The following CAPZB variants were observed in gnomAD, a reference collection of about 807,000 sequenced individuals.
CAPZB encodes the protein F-actin-capping protein subunit beta.
CAPZB carries 2 observed loss-of-function variants against 38.1 expected under a neutral mutation model. The ratio of observed to expected loss-of-function variants is 0.05; its 90% CI spans 0.02 to 0.17. The LOEUF (loss-of-function observed/expected upper bound fraction) is 0.17, where lower values mean the gene tolerates loss of function less well. CAPZB is among the 10% of genes least tolerant of loss of function. CAPZB has a pLI of 1.00. For missense variants in CAPZB, 161 were observed against 334.2 expected, an observed-to-expected ratio of 0.48 and a Z score of 4.04; for synonymous variants, 107 against 127.4, an observed-to-expected ratio of 0.84 and a Z score of 1.08.
intron 1 of CAPZB, among the ~76,000 whole-genome samples, chr1:19,469,343 T>C (rs949327751): frequency 6.6e-6 from 1 of 152,204 alleles, no homozygotes; most frequent in African/African-American, 2.4e-5. Flanking sequence ...GCAATTGATA[T>C]TGTTTTCCAT....
At chr1:19,457,343 G>A (rs997118791) in intron 1 of CAPZB, among the ~76,000 whole-genome samples, 2 of 152,270 alleles carry the variant, frequency 1.3e-5, no homozygotes, top group Admixed American at 1.3e-4. Context: ...GGTCCGCAGT[G>A]CTCGCTTCCG....
In CAPZB at chr1:19,378,648, G is replaced by T; in HGVS notation, c.221C>A (p.Pro74Gln). 1 of 1,579,090 alleles carries T rather than the reference G, an allele frequency of 6.3e-7. No homozygotes were observed. Among genetic ancestry groups the T allele is most frequent in the Non-Finnish European group, 8.7e-7 (1 of 1,148,234 alleles). Residue 74 changes from proline (P) to glutamine (Q), a missense_variant, in exon 4 of 9, where the codon CCA (proline) becomes CAA (glutamine). By Grantham distance (76) the Pro-to-Gln change is moderately conservative. Coordinates refer to ENST00000264202, the MANE Select transcript of CAPZB (RefSeq NM_004930.5). ...YNRDGDSYRS[P>Q]WSNKYDPPLE... is the part of the protein sequence containing the mutation. Reference sequence around the variant, plus strand: ...GGGAGGGTCATACTTGTTACTCCATGGTGACCTGGAGGGAAGGAAGGAAAA... The same window carrying T: ...GGGAGGGTCATACTTGTTACTCCATTGTGACCTGGAGGGAAGGAAGGAAAA...
chr1:19,342,896 G>T, intron 8 of CAPZB: 1 of 1,328,834 alleles, frequency 7.5e-7, no homozygotes, highest in Non-Finnish European at 1.1e-6. Flanking sequence ...AGTGGAGTGG[G>T]AGGGAAGAGA....
intron 1 of CAPZB, among the ~76,000 whole-genome samples, chr1:19,462,625 AAAT>A (rs1006456167): frequency 6.6e-6 from 1 of 152,216 alleles, no homozygotes; most frequent in Non-Finnish European, 1.5e-5. Context: ...CGCATTGAAT[AAAT>A]AATAACCACA....
At chr1:19,348,438 G>T (rs2093973909) in intron 6 of CAPZB, among the ~76,000 whole-genome samples, 1 of 152,106 alleles carries the variant, frequency 6.6e-6, no homozygotes, top group Admixed American at 6.5e-5. Context: ...TGCTTAAAAG[G>T]TCTGAACACC....
At chr1:19,367,004 A>C (rs1350626396) in intron 4 of CAPZB, among the ~76,000 whole-genome samples, 1 of 152,218 alleles carries the variant, frequency 6.6e-6, no homozygotes, top group Non-Finnish European at 1.5e-5. Flanking sequence ...GGGGCATCCA[A>C]AACCTGGCTC....
intron 2 of CAPZB, among the ~76,000 whole-genome samples, chr1:19,392,567 C>T (rs2100274939): frequency 6.7e-6 from 1 of 149,528 alleles, no homozygotes; most frequent in South Asian, 2.1e-4. Flanking sequence ...CGGTGGCTCG[C>T]TTGAGATCAA....
chr1:19,393,595 C>T (rs1053888243), intron 2 of CAPZB, among the ~76,000 whole-genome samples: 5 of 152,202 alleles, frequency 3.3e-5, no homozygotes, highest in Middle Eastern at 3.2e-3. Flanking sequence ...CAGGCCCCAC[C>T]GGGTCAACAA....
chr1:19,465,846 G>A (rs758892630), intron 1 of CAPZB, among the ~76,000 whole-genome samples: 4 of 152,094 alleles, frequency 2.6e-5, no homozygotes, highest in South Asian at 4.1e-4. Flanking sequence ...CTCATTTGAC[G>A]TGCATTAACT....
At chr1:19,472,165 TA>T (rs2094590884) in intron 1 of CAPZB, among the ~76,000 whole-genome samples, 1 of 152,166 alleles carries the variant, frequency 6.6e-6, no homozygotes, top group Non-Finnish European at 1.5e-5. Flanking sequence ...AATCAGTGTT[TA>T]AGAAAATGCG....
intron 4 of CAPZB, 36 bp downstream of exon 4, chr1:19,378,504 A>C (rs762451274): frequency 1.0e-4 from 120 of 1,199,560 alleles, no homozygotes; most frequent in Non-Finnish European, 1.5e-4. Flanking sequence ...CTCAAAACTC[A>C]CAAGCGCTAA....
intron 1 of CAPZB, among the ~76,000 whole-genome samples, chr1:19,459,919 G>A (rs1570331918): frequency 1.3e-5 from 2 of 152,260 alleles, no homozygotes; most frequent in African/African-American, 2.4e-5. Flanking sequence ...TGATCACACA[G>A]TTGCAGTCCT....
intron 1 of CAPZB, among the ~76,000 whole-genome samples, chr1:19,442,365 G>C (rs1297698373): frequency 6.6e-6 from 1 of 152,130 alleles, no homozygotes; most frequent in Non-Finnish European, 1.5e-5. Flanking sequence ...GAGTGAGCAG[G>C]AGCAGCTGAA....
intron 2 of CAPZB, among the ~76,000 whole-genome samples, chr1:19,418,846 T>TA (rs1474597095): frequency 6.6e-6 from 1 of 152,180 alleles, no homozygotes; most frequent in East Asian, 1.9e-4. Flanking sequence ...TCTAAAAAGA[T>TA]ACCTCACTGA....
At chr1:19,475,052 T>G (rs1332412978) in intron 1 of CAPZB, among the ~76,000 whole-genome samples, 1 of 151,760 alleles carries the variant, frequency 6.6e-6, no homozygotes, top group East Asian at 1.9e-4. Context: ...GCAAAGGGAG[T>G]GTCCACATGC....
At chr1:19,362,459 A>T (rs2094058652) in intron 4 of CAPZB, among the ~76,000 whole-genome samples, 1 of 151,234 alleles carries the variant, frequency 6.6e-6, no homozygotes, top group Admixed American at 6.6e-5. Flanking sequence ...CTGGTCTCTA[A>T]CTCCTGGCCT....
chr1:19,428,296 G>T lies in CAPZB; in HGVS notation c.4-8546C>A, dbSNP rs554460447. Among the ~76,000 whole-genome samples the T allele has an allele frequency of 1.3e-3, 191 of 152,184 alleles. 1 individual carries two copies. Among genetic ancestry groups the T allele is most frequent in the African/African-American group, 4.5e-3 (188 of 41,520 alleles). On this transcript the variant is annotated intron_variant, in intron 1 of 8. Coordinates refer to ENST00000264202, the MANE Select transcript of CAPZB (RefSeq NM_004930.5). ...CAGATGCCTGTAATCCCAGCTACAC[G>T]GGAGGCTGAGGCAGGAGAATCACTT...
At chr1:19,448,204 G>A (rs958430749) in intron 1 of CAPZB, among the ~76,000 whole-genome samples, 2 of 152,230 alleles carry the variant, frequency 1.3e-5, no homozygotes, top group African/African-American at 4.8e-5. Flanking sequence ...GCGCCGCTGC[G>A]CACATCCCAA....
intron 2 of CAPZB, among the ~76,000 whole-genome samples, chr1:19,386,093 C>T (rs1017601167): frequency 7.2e-5 from 11 of 152,232 alleles, no homozygotes; most frequent in African/African-American, 1.4e-4. Flanking sequence ...CAGTACTTTC[C>T]AGGCCCCTAG....
Sources: allele counts gnomAD v4.1 joint callset (sites outside exome capture counted in the v4.1 genomes callset), GRCh38; gene constraint gnomAD v4.1.1; transcripts MANE v1.5; gene names NCBI Gene and HGNC (gene_info 2026-07-23, HGNC 2026-07-21).